Variants in CELF2 observed in about 807,000 individuals in gnomAD.
CELF2 encodes the protein CUG triplet repeat RNA-binding protein 2.
A neutral mutation model predicts 62.6 loss-of-function variants in CELF2; 8 were observed. The observed-to-expected ratio is 0.13, with a 90% CI of 0.07 to 0.23. CELF2 has a LOEUF of 0.23. Ranked by LOEUF, CELF2 falls within the 10% of genes least tolerant of loss-of-function variation. The pLI, the probability that CELF2 is intolerant of heterozygous loss-of-function variation, is 1.00. For missense variants in CELF2, 333 were observed against 671.0 expected (o/e 0.50, Z 5.56); for synonymous variants, 258 against 250.0 (o/e 1.03, Z -0.30).
chr10:10,637,926 T>G, the CELF2 span, among the ~76,000 whole-genome samples: 1 of 152,200 alleles, frequency 6.6e-6, no homozygotes, highest in Non-Finnish European at 1.5e-5. Context: ...TAGTTAAAAT[T>G]GTACCTCTTT....
the CELF2 span, among the ~76,000 whole-genome samples, chr10:10,462,779 T>A: frequency 2.0e-5 from 3 of 152,014 alleles, no homozygotes; most frequent in African/African-American, 7.3e-5. Context: ...TTATAATGGT[T>A]AATAACAGCA....
chr10:10,798,674 C>A, exon 1 of CELF2: 1 of 398,728 alleles, frequency 2.5e-6, no homozygotes, highest in Non-Finnish European at 4.4e-6. Flanking sequence ...GGCGCCAGGG[C>A]CCGGCCTGGG....
the CELF2 span, among the ~76,000 whole-genome samples, chr10:10,564,672 A>G: frequency 2.0e-4 from 18 of 88,628 alleles, no homozygotes; most frequent in African/African-American, 6.3e-4. Context: ...ACACACACAC[A>G]CGCACACACG....
intron 1 of CELF2, among the ~76,000 whole-genome samples, chr10:11,063,701 A>T (rs1426872100): frequency 6.6e-6 from 1 of 152,230 alleles, no homozygotes; most frequent in Non-Finnish European, 1.5e-5. Context: ...CTTAACGTAG[A>T]TAAGACATCG....
the CELF2 span, among the ~76,000 whole-genome samples, chr10:10,490,316 A>C: frequency 6.6e-6 from 1 of 152,140 alleles, no homozygotes; most frequent in Non-Finnish European, 1.5e-5. Flanking sequence ...ATGAGCAGAA[A>C]TCACTGTTTT....
chr10:11,066,225 G>A (rs2068118268), intron 1 of CELF2, among the ~76,000 whole-genome samples: 1 of 152,024 alleles, frequency 6.6e-6, no homozygotes, highest in South Asian at 2.1e-4. Flanking sequence ...TTCATCAGTT[G>A]TTTGATAACT....
chr10:11,040,606 T>G (rs1444587155), intron 1 of CELF2, among the ~76,000 whole-genome samples: 3 of 152,196 alleles, frequency 2.0e-5, no homozygotes, highest in African/African-American at 7.2e-5. Flanking sequence ...TTGTTGTTCC[T>G]TGGTTCAACA....
rs1427091748 is a variant in CELF2, at chr10:11,331,922, C to G, written c.*2869C>G. The G allele has an allele frequency of 2.0e-5, 3 of 152,354 alleles. No individual in the cohort carries two copies. The highest frequency in any genetic ancestry group is 7.2e-5 in the African/African-American group (3 of 41,418). The allele number at this position is 152,354 out of a possible 1,614,324, so 9.4% of individuals were successfully genotyped here. ...GATTTGAGTTTGTTTTGGGGTGTTT[C>G]CAATTTGGATTTTTTTCCCTGCATC... On this transcript the variant is annotated 3_prime_UTR_variant, in exon 13 of 13. Coordinates refer to ENST00000633077, the MANE Select transcript of CELF2 (RefSeq NM_001326342.2).
chr10:11,046,762 G>A lies in CELF2; in HGVS notation c.74+28599G>A, dbSNP rs190221887. Among the ~76,000 whole-genome samples the A allele has an allele frequency of 1.1e-4, 16 of 152,192 alleles. 1 individual carries two copies. In the East Asian group the frequency reaches 2.7e-3, roughly 26 times the overall value. On this transcript the variant is annotated intron_variant, in intron 1 of 12. Transcript: ENST00000633077. This position sits in a 1 kb window ranked among gnomAD's most constrained non-coding sequence, Gnocchi z 4.6. Reference sequence around the variant, plus strand: ...AATCCCATGTCTTTAATCTCATTTCGCTATTTCTCAACACCCTATTAACAT... The same window carrying A: ...AATCCCATGTCTTTAATCTCATTTCACTATTTCTCAACACCCTATTAACAT...
the CELF2 span, among the ~76,000 whole-genome samples, chr10:10,647,095 A>C: frequency 1.3e-5 from 2 of 152,156 alleles, no homozygotes; most frequent in Non-Finnish European, 2.9e-5. Flanking sequence ...ATTTCTGAGC[A>C]TGATAAGCAG....
the CELF2 span, among the ~76,000 whole-genome samples, chr10:10,782,863 A>G: frequency 1.3e-5 from 2 of 152,128 alleles, no homozygotes; most frequent in African/African-American, 4.8e-5. Context: ...TTATTTGGGG[A>G]GAGCAGTAAA....
chr10:10,699,289 A>G, the CELF2 span, among the ~76,000 whole-genome samples: 4 of 152,246 alleles, frequency 2.6e-5, no homozygotes, highest in Non-Finnish European at 2.9e-5. Context: ...TAGTAAAATA[A>G]CAATCATGAC....
chr10:11,224,789 G>A lies in CELF2; in HGVS notation c.354+7282G>A, dbSNP rs2065941974. On this transcript the variant is annotated intron_variant, in intron 3 of 12. Coordinates refer to ENST00000633077, the MANE Select transcript of CELF2 (RefSeq NM_001326342.2). The surrounding 1 kb of genome is among the most constrained non-coding windows in gnomAD (Gnocchi z 4.5). ...AAGTGCGCTCGTGAGTTCGGAGCCT[G>A]GAGCTTTAGGCCACACAAAAAGCAT... 6.6e-6 allele frequency among the ~76,000 whole-genome samples: 1 copy of A among 152,122 alleles called. No homozygotes were observed. Among genetic ancestry groups the A allele is most frequent in the Non-Finnish European group, 1.5e-5 (1 of 68,036 alleles).
the CELF2 span, among the ~76,000 whole-genome samples, chr10:10,791,318 CA>C: frequency 9.6e-3 from 1,200 of 124,564 alleles, 6 homozygotes; most frequent in African/African-American, 0.014. Flanking sequence ...TTTAATGTGG[CA>C]AAAAAAAAAA....
chr10:10,615,918 T>A, the CELF2 span, among the ~76,000 whole-genome samples: 1 of 152,168 alleles, frequency 6.6e-6, no homozygotes, highest in African/African-American at 2.4e-5. Context: ...AAGTCTAATG[T>A]TCCTAAGAAC....
At chr10:11,206,241 T>TC (rs2060401503) in intron 2 of CELF2, among the ~76,000 whole-genome samples, 4 of 152,112 alleles carry the variant, frequency 2.6e-5, no homozygotes, top group Non-Finnish European at 2.9e-5. Flanking sequence ...AGTGGAGACT[T>TC]GAGAGATCGG....
chr10:10,655,384 A>G, the CELF2 span, among the ~76,000 whole-genome samples: 1 of 121,836 alleles, frequency 8.2e-6, no homozygotes, highest in Admixed American at 8.3e-5. Context: ...TAAAGTTCAT[A>G]TGGAACCAAA....
chr10:10,662,921 A>G, the CELF2 span, among the ~76,000 whole-genome samples: 45,683 of 152,090 alleles, frequency 0.3, 7,470 homozygotes, highest in South Asian at 0.53. Context: ...CACTTGGCAC[A>G]AACAAAGCCC....
At chr10:10,510,993 G>C in the CELF2 span, among the ~76,000 whole-genome samples, 1 of 152,248 alleles carries the variant, frequency 6.6e-6, no homozygotes, top group South Asian at 2.1e-4. Context: ...ACTCAGAGAG[G>C]TGGCATCAGC....
Sources: allele counts gnomAD v4.1 joint callset (sites outside exome capture counted in the v4.1 genomes callset), GRCh38; gene constraint gnomAD v4.1.1; non-coding constraint Gnocchi (gnomAD v3.1); transcripts MANE v1.5; gene names NCBI Gene and HGNC (gene_info 2026-07-23, HGNC 2026-07-21).